NALCN: variants seen among roughly 807,000 people sequenced by gnomAD.
NALCN encodes sodium leak channel NALCN.
Under a neutral mutation model 225.3 loss-of-function variants are expected in NALCN, and 111 were observed. The ratio of observed to expected loss-of-function variants is 0.49; its 90% CI spans 0.42 to 0.58. The LOEUF (loss-of-function observed/expected upper bound fraction) is 0.58. Ranked by LOEUF, NALCN falls within the 20% of genes least tolerant of loss-of-function variation. NALCN has a pLI of 0.00. For synonymous variants in NALCN, 764 were observed against 769.0 expected (o/e 0.99, Z 0.11); for missense variants, 1,378 against 2,202.4 (o/e 0.63, Z 7.49).
intron 7 of NALCN, among the ~76,000 whole-genome samples, chr13:101,327,628 C>A (rs2045008081): frequency 6.6e-6 from 1 of 152,146 alleles, no homozygotes; most frequent in African/African-American, 2.4e-5. Context: ...ATATACCCAT[C>A]CCAGGTAATC....
chr13:101,217,443 A>T (rs1406259468), intron 13 of NALCN, among the ~76,000 whole-genome samples: 1 of 152,200 alleles, frequency 6.6e-6, no homozygotes, highest in Admixed American at 6.6e-5. Flanking sequence ...ACAGAAAGTT[A>T]TTGGCTTGAG....
chr13:101,328,620 A>G (rs147566788), intron 7 of NALCN, among the ~76,000 whole-genome samples: 168 of 152,292 alleles, frequency 1.1e-3, no homozygotes, highest in Middle Eastern at 3.4e-3. Context: ...GTGTGACCCT[A>G]TGACTATTTG....
chr13:101,366,576 C>A (rs2046381687), intron 6 of NALCN, among the ~76,000 whole-genome samples: 1 of 152,088 alleles, frequency 6.6e-6, no homozygotes, highest in Non-Finnish European at 1.5e-5. Flanking sequence ...TTGCTGAAAA[C>A]ACAGCCATCA....
chr13:101,061,909 C>G (rs989325673), intron 41 of NALCN, 59 bp downstream of exon 41: 2 of 1,527,312 alleles, frequency 1.3e-6, no homozygotes, highest in Non-Finnish European at 1.8e-6. Flanking sequence ...CTTTCATCCT[C>G]CTGCGGGGCA....
At chr13:101,140,237 G>T (rs918075589) in intron 17 of NALCN, among the ~76,000 whole-genome samples, 1 of 152,088 alleles carries the variant, frequency 6.6e-6, no homozygotes, top group African/African-American at 2.4e-5. Flanking sequence ...CTGTACCTGG[G>T]GAGGGTTCGC....
intron 14 of NALCN, among the ~76,000 whole-genome samples, chr13:101,184,388 A>G (rs1427919943): frequency 6.6e-6 from 1 of 152,058 alleles, no homozygotes; most frequent in Non-Finnish European, 1.5e-5. Context: ...GATTTCTCTA[A>G]TATTCTTTAT....
chr13:101,279,737 A>G (rs1056999789), intron 10 of NALCN, among the ~76,000 whole-genome samples: 2 of 149,058 alleles, frequency 1.3e-5, no homozygotes, highest in African/African-American at 2.4e-5. Flanking sequence ...GAATGGCGTG[A>G]ACCCGGGAGG....
chr13:101,054,566 A>G lies in NALCN; in HGVS notation c.*729T>C, dbSNP rs2139367201. 6.6e-6 allele frequency: 1 copy of G among 152,316 alleles called. No individual in the cohort carries two copies. The highest frequency in any genetic ancestry group is 2.1e-4 in the South Asian group (1 of 4,820). The allele number at this position is 152,316 out of a possible 1,614,324, so 9.4% of individuals were successfully genotyped here. On this transcript the variant is annotated 3_prime_UTR_variant, in exon 44 of 44. Coordinates refer to ENST00000251127, the MANE Select transcript of NALCN (RefSeq NM_052867.4). The stretch of plus-strand genomic sequence containing the variant: ...CATCTTTGCGCAACTATGTCACTCA[A>G]GTGATTTATCTACAGGTTTGTTTTA...
chr13:101,306,268 C>T (rs1300941825), intron 7 of NALCN, among the ~76,000 whole-genome samples: 2 of 152,214 alleles, frequency 1.3e-5, no homozygotes, highest in Non-Finnish European at 1.5e-5. Context: ...GCATTCCCCA[C>T]ATCCCTTCCC....
At position 101,198,699 on chromosome 13, in the gene NALCN, C is replaced by T. The variant is rs1022325070; in HGVS notation, c.1627-6645G>A. Reference sequence around the variant, plus strand: ...CACTTTTACACTGTTGGTGGGACTGCAAACTAGTTCAACCATTGTGGAAGT... The same window carrying T: ...CACTTTTACACTGTTGGTGGGACTGTAAACTAGTTCAACCATTGTGGAAGT... On this transcript the variant is annotated intron_variant, in intron 13 of 43. Coordinates refer to ENST00000251127, the MANE Select transcript of NALCN (RefSeq NM_052867.4). 6.6e-5 allele frequency among the ~76,000 whole-genome samples: 10 copies of T among 152,100 alleles called. No homozygotes were observed. The South Asian group carries it at 8.3e-4, about 13-fold the overall frequency.
chr13:101,055,590 A>C, intron 43 of NALCN, 102 bp from the exon 44 acceptor site: 2 of 981,942 alleles, frequency 2.0e-6, no homozygotes, highest in Non-Finnish European at 3.0e-6. Context: ...CTTTTGGCTA[A>C]CGTGTCCTAG....
intron 13 of NALCN, among the ~76,000 whole-genome samples, chr13:101,194,641 T>A (rs143916943): frequency 1.6e-3 from 245 of 152,336 alleles, no homozygotes; most frequent in African/African-American, 5.7e-3. Flanking sequence ...GAGTAAGACA[T>A]AGTTTCTTCC....
Position 101,199,287 on chromosome 13 carries a change from A to AT in NALCN, c.1627-7234dup, listed in dbSNP as rs202247707. 4.7e-3 allele frequency among the ~76,000 whole-genome samples: 708 copies of AT among 152,046 alleles called. 6 individuals are homozygous for AT. The highest frequency in any genetic ancestry group is 0.017 in the African/African-American group (689 of 41,458). ...CATGTACCCTAAAATTTAAAGTATA[A>AT]TAAAAAAAAGAGTTGGAAAAAATAA... On this transcript the variant is annotated intron_variant, in intron 13 of 43. Coordinates refer to ENST00000251127, the MANE Select transcript of NALCN (RefSeq NM_052867.4).
chr13:101,137,925 T>C (rs2036880918), intron 17 of NALCN, among the ~76,000 whole-genome samples: 1 of 152,196 alleles, frequency 6.6e-6, no homozygotes, highest in Non-Finnish European at 1.5e-5. Context: ...AAAATGAGAA[T>C]TATCTCCACT....
In NALCN at chr13:101,300,583, GGGATTAC is replaced by G. The variant is rs1414759161; in HGVS notation, c.800-8224_800-8218del. 5.9e-5 allele frequency among the ~76,000 whole-genome samples: 9 copies of G among 152,108 alleles called. No homozygotes were observed. The East Asian group carries it at 1.7e-3, about 29-fold the overall frequency. On this transcript the variant is annotated intron_variant, in intron 7 of 43. Coordinates refer to ENST00000251127, the MANE Select transcript of NALCN (RefSeq NM_052867.4). ...TTCTGCCTCAGCCTCCCAAGGAGCT[GGGATTAC>G]AGGCATAAGCCACCACGCTCAGCCT...
intron 30 of NALCN, among the ~76,000 whole-genome samples, chr13:101,084,794 T>C (rs919717293): frequency 2.0e-5 from 3 of 152,208 alleles, no homozygotes; most frequent in Non-Finnish European, 4.4e-5. Flanking sequence ...TAAATATCTA[T>C]GAGGGTTTCT....
intron 15 of NALCN, among the ~76,000 whole-genome samples, chr13:101,163,892 T>C (rs1465457925): frequency 6.6e-6 from 1 of 151,712 alleles, no homozygotes; most frequent in Non-Finnish European, 1.5e-5. Flanking sequence ...CTGAGGGGGG[T>C]CTACTCCATG....
At chr13:101,165,473 C>A (rs1018878625) in intron 15 of NALCN, among the ~76,000 whole-genome samples, 1 of 152,064 alleles carries the variant, frequency 6.6e-6, no homozygotes, top group African/African-American at 2.4e-5. Context: ...TCATTTTTGT[C>A]GTTGTTGTTG....
At chr13:101,155,877 T>G (rs1281322228) in intron 15 of NALCN, among the ~76,000 whole-genome samples, 1 of 152,226 alleles carries the variant, frequency 6.6e-6, no homozygotes, top group Non-Finnish European at 1.5e-5. Flanking sequence ...TCTGTGGCAA[T>G]TACAACAATA....
Sources: gnomAD v4.1 joint callset for allele counts (sites outside exome capture counted in the v4.1 genomes callset) on GRCh38, gnomAD v4.1.1 for gene constraint, MANE v1.5 for transcripts, NCBI Gene and HGNC (gene_info 2026-07-23, HGNC 2026-07-21) for gene names.